The following ERC1 variants were observed in gnomAD, a reference collection of about 807,000 sequenced individuals.
ERC1 encodes RAB6 interacting protein 2.
ERC1 carries 56 observed loss-of-function variants against 132.0 expected under a neutral mutation model. The observed-to-expected ratio is 0.42, with a 90% CI of 0.34 to 0.53. The LOEUF (loss-of-function observed/expected upper bound fraction) is 0.53. ERC1 is among the 20% of genes least tolerant of loss of function. The pLI, the probability that ERC1 is intolerant of heterozygous loss-of-function variation, is 0.03. For synonymous variants in ERC1, 478 were observed against 476.1 expected, an observed-to-expected ratio of 1.00 and a Z score of -0.05; for missense variants, 1,202 against 1,349.9, an observed-to-expected ratio of 0.89 and a Z score of 1.72.
intron 13 of ERC1, among the ~76,000 whole-genome samples, chr12:1,243,074 C>G (rs1402290412): frequency 1.3e-5 from 2 of 151,374 alleles, no homozygotes. Context: ...GTAGTCCCAG[C>G]TACTCGGGAG....
At chr12:1,252,240 T>C (rs2076516110) in intron 13 of ERC1, among the ~76,000 whole-genome samples, 1 of 152,208 alleles carries the variant, frequency 6.6e-6, no homozygotes, top group African/African-American at 2.4e-5. Flanking sequence ...TGTTATTTTT[T>C]AAGAGAACAG....
intron 1 of ERC1, among the ~76,000 whole-genome samples, chr12:1,000,987 G>A (rs750827047): frequency 2.2e-4 from 34 of 151,804 alleles, no homozygotes; most frequent in Non-Finnish European, 4.4e-4. Flanking sequence ...CTCGTCTCAC[G>A]GCACCTCCCA....
At chr12:1,072,910 C>T (rs1195630000) in intron 2 of ERC1, among the ~76,000 whole-genome samples, 1 of 152,170 alleles carries the variant, frequency 6.6e-6, no homozygotes, top group African/African-American at 2.4e-5. Context: ...CTATGCTGGT[C>T]TCTAACTCCT....
intron 18 of ERC1, among the ~76,000 whole-genome samples, chr12:1,445,222 A>ATTTTTTTTTTT (rs137864873): frequency 1.1e-5 from 1 of 90,692 alleles, no homozygotes; most frequent in Non-Finnish European, 2.0e-5. Flanking sequence ...TGTACAGTAG[A>ATTTTTTTTTTT]TTTTTTTTTT....
intron 8 of ERC1, among the ~76,000 whole-genome samples, chr12:1,143,103 A>G (rs1310160748): frequency 6.6e-6 from 1 of 152,150 alleles, no homozygotes; most frequent in African/African-American, 2.4e-5. Context: ...TTTTACCACC[A>G]TGTTGGCCAG....
chr12:1,211,823 G>A (rs1957907245), intron 12 of ERC1, among the ~76,000 whole-genome samples: 1 of 151,840 alleles, frequency 6.6e-6, no homozygotes. Context: ...ACCATCCTTG[G>A]CCTCCCAAAG....
intron 8 of ERC1, among the ~76,000 whole-genome samples, chr12:1,161,905 G>A (rs181166827): frequency 2.0e-5 from 3 of 152,144 alleles, no homozygotes; most frequent in Admixed American, 6.5e-5. Flanking sequence ...TTTAAATATT[G>A]TAATATTTAG....
intron 15 of ERC1, among the ~76,000 whole-genome samples, chr12:1,304,211 C>T (rs898428692): frequency 6.6e-6 from 1 of 152,140 alleles, no homozygotes; most frequent in Non-Finnish European, 1.5e-5. Flanking sequence ...CCACTACAGT[C>T]AAGATTTTAA....
At chr12:1,457,025 A>G (rs1051838415) in intron 18 of ERC1, among the ~76,000 whole-genome samples, 1 of 152,220 alleles carries the variant, frequency 6.6e-6, no homozygotes, top group Non-Finnish European at 1.5e-5. Flanking sequence ...CCGTAAGATG[A>G]TAAGACCATA....
intron 4 of ERC1, among the ~76,000 whole-genome samples, chr12:1,105,769 C>T (rs774517820): frequency 6.6e-5 from 10 of 152,060 alleles, no homozygotes; most frequent in South Asian, 4.1e-4. Context: ...AAGTACTTGA[C>T]GTGACAAATA....
chr12:1,317,176 A>C (rs1379220666), intron 15 of ERC1, among the ~76,000 whole-genome samples: 2 of 151,958 alleles, frequency 1.3e-5, no homozygotes, highest in Non-Finnish European at 1.5e-5. Context: ...ACGAAAAAAA[A>C]AAAAAAAGAA....
intron 13 of ERC1, among the ~76,000 whole-genome samples, chr12:1,242,676 G>A (rs143833975): frequency 9.2e-5 from 14 of 152,124 alleles, no homozygotes; most frequent in Non-Finnish European, 1.8e-4. Context: ...TTCTATAAGA[G>A]CAAATGTTAA....
chr12:993,590 T>C (rs1258920499), intron 1 of ERC1, among the ~76,000 whole-genome samples: 1 of 152,188 alleles, frequency 6.6e-6, no homozygotes, highest in Non-Finnish European at 1.5e-5. Flanking sequence ...TAATTCAACA[T>C]TAATACTGCA....
At chr12:1,207,767 A>G (rs1957477462) in intron 12 of ERC1, among the ~76,000 whole-genome samples, 1 of 152,222 alleles carries the variant, frequency 6.6e-6, no homozygotes, top group Non-Finnish European at 1.5e-5. Flanking sequence ...AGATCACCAC[A>G]AATTCTGTAA....
chr12:1,303,955 G>GAAA (rs59587052), intron 15 of ERC1, among the ~76,000 whole-genome samples: 77 of 86,498 alleles, frequency 8.9e-4, no homozygotes, highest in Middle Eastern at 6.0e-3. Flanking sequence ...CTCCATCTCA[G>GAAA]AAAAAAAAAA....
intron 8 of ERC1, among the ~76,000 whole-genome samples, chr12:1,171,023 A>G (rs1952998886): frequency 6.6e-6 from 1 of 152,180 alleles, no homozygotes; most frequent in Non-Finnish European, 1.5e-5. Context: ...TTACAGTTAA[A>G]GTGATGAGAA....
intron 12 of ERC1, among the ~76,000 whole-genome samples, chr12:1,195,984 G>A (rs575907371): frequency 6.0e-5 from 9 of 150,852 alleles, no homozygotes; most frequent in African/African-American, 2.2e-4. Context: ...CAACACACGG[G>A]CCCTGACCAA....
chr12:1,033,910 A>G (rs1047748588), intron 2 of ERC1, among the ~76,000 whole-genome samples: 2 of 152,188 alleles, frequency 1.3e-5, no homozygotes, highest in South Asian at 4.1e-4. Flanking sequence ...GATTACAGGC[A>G]TGAGTCACCA....
At chr12:1,060,916 C>A (rs916224929) in intron 2 of ERC1, among the ~76,000 whole-genome samples, 1 of 151,880 alleles carries the variant, frequency 6.6e-6, no homozygotes, top group Admixed American at 6.6e-5. Context: ...TTTAGTAGAA[C>A]GAGGTTTCAC....
Sources: allele counts gnomAD v4.1 joint callset (sites outside exome capture counted in the v4.1 genomes callset), GRCh38; gene constraint gnomAD v4.1.1; transcripts MANE v1.5; gene names NCBI Gene and HGNC (gene_info 2026-07-23, HGNC 2026-07-21).